Variants in NLRP1 observed in about 807,000 individuals in gnomAD.
The protein encoded by NLRP1 is NACHT, LRR and PYD domains-containing protein 1.
Under a neutral mutation model 136.7 loss-of-function variants are expected in NLRP1, and 94 were observed. That is an observed-to-expected ratio of 0.69 (90% CI 0.58 to 0.82). The LOEUF (loss-of-function observed/expected upper bound fraction) is 0.82. Among genes scored for constraint, NLRP1 ranks in the 40% least tolerant of loss-of-function variants. The pLI is 0.00. For synonymous variants in NLRP1, 690 were observed against 725.1 expected (o/e 0.95, Z 0.78); for missense variants, 1,575 against 1,802.7 (o/e 0.87, Z 2.29).
At chr17:5,520,569 G>T (rs79958269) in intron 14 of NLRP1, among the ~76,000 whole-genome samples, 3 of 152,068 alleles carry the variant, frequency 2.0e-5, no homozygotes, top group Admixed American at 6.5e-5. Context: ...GATTAATAAA[G>T]CCAGTATGTT....
At chr17:5,510,470 C>T (rs902828436), downstream of NLRP1, among the ~76,000 whole-genome samples, 1 of 151,896 alleles carries the variant, frequency 6.6e-6, no homozygotes, top group African/African-American at 2.4e-5. Context: ...AGCAATTCTG[C>T]TGCCTCAGCC....
chr17:5,570,223 C>A (rs2151816686), intron 3 of NLRP1, among the ~76,000 whole-genome samples: 1 of 152,028 alleles, frequency 6.6e-6, no homozygotes, highest in South Asian at 2.1e-4. Flanking sequence ...CAAGATCAAT[C>A]CCAAAGCTAG....
At position 5,515,476 on chromosome 17, in the gene NLRP1, T is replaced by A. The variant is rs1235346480; in HGVS notation, c.4099A>T (p.Ile1367Leu). ...GTCTCTGAGAGCTGTTACTGACCTA[T>A]GCGGGCTGGAGGGATCAGAGTAGTT... ...PATTLIPPAR[I>L]AVPSPLDAPQ... Residue 1367 changes from isoleucine (I) to leucine (L), a missense_variant, in exon 16 of 17, where the codon ATA (isoleucine) becomes TTA (leucine). Ile to Leu is a conservative substitution (Grantham distance 5). Transcript: ENST00000572272. The A allele has an allele frequency of 6.2e-7, 1 of 1,613,072 alleles. No individual in the cohort carries two copies. The highest frequency in any genetic ancestry group is 8.5e-7 in the Non-Finnish European group (1 of 1,179,098).
At chr17:5,506,827 G>A (rs1235009902) in intron 15 of NLRP1, among the ~76,000 whole-genome samples, 4 of 151,130 alleles carry the variant, frequency 2.6e-5, no homozygotes, top group Admixed American at 2.0e-4. Context: ...GCTTGAGCCC[G>A]GGTGGTGGAG....
At chr17:5,542,570 C>T (rs1912004454) in intron 5 of NLRP1, among the ~76,000 whole-genome samples, 1 of 152,166 alleles carries the variant, frequency 6.6e-6, no homozygotes, top group South Asian at 2.1e-4. Context: ...AATTGCACAC[C>T]CATCCCCAGA....
chr17:5,545,896 C>T (rs1912604221), intron 5 of NLRP1, among the ~76,000 whole-genome samples: 1 of 152,200 alleles, frequency 6.6e-6, no homozygotes, highest in African/African-American at 2.4e-5. Context: ...GCCCCCAGGA[C>T]TCATCTCAGC....
At chr17:5,546,543 C>T (rs16954851) in intron 5 of NLRP1, among the ~76,000 whole-genome samples, 10,362 of 152,150 alleles carry the variant, frequency 0.068, 818 homozygotes, top group African/African-American at 0.19. Context: ...CCTTTGTCTG[C>T]GTAATGTGCT....
Position 5,504,691 on chromosome 17 carries a change from C to G in NLRP1, c.4070-2819G>C, listed in dbSNP as rs1000773733. ...TGACTGCTGGGGTTCTAACCCACAT[C>G]TCTCTGACCCAAGGGTAAGAGGTAT... On this transcript the variant is annotated intron_variant, in intron 15 of 15. Coordinates refer to the NLRP1 transcript ENST00000262467. This position sits in a 1 kb window ranked among gnomAD's most constrained non-coding sequence, Gnocchi z 4.4. The G allele has an allele frequency of 6.6e-6, 1 of 152,212 alleles. No individual in the cohort carries two copies. The highest frequency in any genetic ancestry group is 2.4e-5 in the African/African-American group (1 of 41,404). The allele number at this position is 152,212 out of a possible 1,614,324, so 9.4% of individuals were successfully genotyped here.
At chr17:5,529,369 C>CTT (rs770430967) in intron 12 of NLRP1, among the ~76,000 whole-genome samples, 10 of 138,656 alleles carry the variant, frequency 7.2e-5, no homozygotes, top group African/African-American at 1.3e-4. Context: ...ATTGTTTATT[C>CTT]TTTTTTTTTT....
intron 15 of NLRP1, among the ~76,000 whole-genome samples, chr17:5,508,483 G>A (rs1907468907): frequency 8.0e-6 from 1 of 125,498 alleles, no homozygotes; most frequent in African/African-American, 3.6e-5. Flanking sequence ...AGAAAGTCAT[G>A]AGACTATTTA....
chr17:5,536,961 G>C lies in NLRP1; in HGVS notation c.2871-21C>G, dbSNP rs755826204. ...CCAGCCTGAAAGCACAAAGGGAGCC[G>C]GGTCCTCCTGGGATCCCCCATGTGG... On this transcript the variant is annotated intron_variant, in intron 7 of 16. Coordinates refer to ENST00000572272, the MANE Select transcript of NLRP1 (RefSeq NM_033004.4). The C allele has an allele frequency of 3.9e-6, 6 of 1,555,074 alleles. No homozygotes were observed. The South Asian group carries it at 5.6e-5, about 14-fold the overall frequency.
chr17:5,555,027 ACACACACACAC>A, intron 4 of NLRP1, among the ~76,000 whole-genome samples: 1 of 150,406 alleles, frequency 6.6e-6, no homozygotes, highest in African/African-American at 2.4e-5. Context: ...TCACACACAC[ACACACACACAC>A]ACACACACAC....
At chr17:5,575,512 T>C (rs1223301043) in intron 3 of NLRP1, among the ~76,000 whole-genome samples, 2 of 151,798 alleles carry the variant, frequency 1.3e-5, no homozygotes, top group Non-Finnish European at 2.9e-5. Context: ...CAACAAAGAC[T>C]AAAAGAGACA....
At chr17:5,523,394 G>A (rs985462231) in intron 12 of NLRP1, among the ~76,000 whole-genome samples, 4 of 152,108 alleles carry the variant, frequency 2.6e-5, no homozygotes, top group South Asian at 2.1e-4. Context: ...ATTTTCTGCC[G>A]CCTGTCTCCG....
chr17:5,570,306 C>G (rs1479924020), intron 3 of NLRP1, among the ~76,000 whole-genome samples: 2 of 151,442 alleles, frequency 1.3e-5, no homozygotes, highest in Admixed American at 1.3e-4. Context: ...TACAAAAGAT[C>G]AACAAAACCA....
downstream of NLRP1, chr17:5,512,243 C>G (rs1597388614): frequency 6.6e-7 from 1 of 1,519,622 alleles, no homozygotes; most frequent in East Asian, 2.2e-5. Flanking sequence ...GCATAGAGTC[C>G]TTTGGGATTA....
chr17:5,537,553 G>A lies in NLRP1; in HGVS notation c.2871-613C>T, dbSNP rs1458125288. Among the ~76,000 whole-genome samples the A allele has an allele frequency of 2.6e-5, 4 of 152,256 alleles. No individual in the cohort carries two copies. The highest frequency in any genetic ancestry group is 4.1e-4 in the South Asian group (2 of 4,826). On this transcript the variant is annotated intron_variant, in intron 7 of 16. Transcript: ENST00000572272. This position sits in a 1 kb window ranked among gnomAD's most constrained non-coding sequence, Gnocchi z 4.5. Reference sequence around the variant, plus strand: ...GGTCTCTGTGTCCTCCATCTACCACGTAGGATGAATCAATCCTGCCCTGCC... The same window carrying A: ...GGTCTCTGTGTCCTCCATCTACCACATAGGATGAATCAATCCTGCCCTGCC...
chr17:5,564,397 C>A (rs1316949108), intron 3 of NLRP1, among the ~76,000 whole-genome samples: 2 of 152,124 alleles, frequency 1.3e-5, no homozygotes, highest in Non-Finnish European at 2.9e-5. Flanking sequence ...CTCTCTATGT[C>A]CATGAGTTCA....
At chr17:5,574,275 C>T (rs370289895) in intron 3 of NLRP1, among the ~76,000 whole-genome samples, 21 of 152,172 alleles carry the variant, frequency 1.4e-4, no homozygotes, top group East Asian at 1.4e-3. Flanking sequence ...TAAAAAGAAA[C>T]GAACAAAGCC....
Sources: gnomAD v4.1 joint callset for allele counts (sites outside exome capture counted in the v4.1 genomes callset) on GRCh38, gnomAD v4.1.1 for gene constraint, Gnocchi (gnomAD v3.1) non-coding constraint, MANE v1.5 for transcripts, NCBI Gene and HGNC (gene_info 2026-07-23, HGNC 2026-07-21) for gene names.